The following USP22 variants were observed in gnomAD, a reference collection of about 807,000 sequenced individuals.
USP22 encodes the protein ubiquitin specific peptidase 22, also known as ubiquitin carboxyl-terminal hydrolase 22.
Under a neutral mutation model 68.1 loss-of-function variants are expected in USP22, and 22 were observed. The observed-to-expected ratio is 0.32, with a 90% confidence interval of 0.23 to 0.46. The LOEUF (loss-of-function observed/expected upper bound fraction) is 0.46, where lower values mean the gene tolerates loss of function less well. USP22 is among the 20% of genes least tolerant of loss of function. The pLI is 1.00. For missense variants in USP22, 433 were observed against 695.8 expected (o/e 0.62, Z 4.25); for synonymous variants, 279 against 274.2 (o/e 1.02, Z -0.17).
At chr17:21,043,123 A>ACACCCCC (rs1972466791), upstream of USP22, 3 of 18,888 alleles carry the variant, frequency 1.6e-4, no homozygotes, top group Non-Finnish European at 3.3e-4. Flanking sequence ...AGATTACGTC[A>ACACCCCC]CCCCCCCCCC....
chr17:21,009,709 C>A (rs1264727449), intron 8 of USP22, among the ~76,000 whole-genome samples: 2 of 152,274 alleles, frequency 1.3e-5, no homozygotes, highest in Non-Finnish European at 1.5e-5. Flanking sequence ...AATCCCAGCA[C>A]TTTGGGAGGC....
At chr17:21,012,716 T>C in intron 7 of USP22, 114 bp downstream of exon 7, 1 of 955,418 alleles carries the variant, frequency 1.0e-6, no homozygotes, top group South Asian at 1.6e-5. Flanking sequence ...ATTAATCATT[T>C]ATCTCATAGC....
chr17:21,004,169 C>T (rs761142451), intron 12 of USP22, 33 bp downstream of exon 12: 8 of 1,609,226 alleles, frequency 5.0e-6, no homozygotes, highest in South Asian at 3.3e-5. Flanking sequence ...CCGTAGCCAC[C>T]GTAGGGCCTT....
chr17:21,006,880 C>T lies in USP22; in HGVS notation c.1322+16G>A. The T allele has an allele frequency of 6.3e-7, 1 of 1,588,354 alleles. No homozygotes were observed. The highest frequency in any genetic ancestry group is 1.3e-5 in the African/African-American group (1 of 74,176). On this transcript the variant is annotated intron_variant, in intron 10 of 12. Coordinates refer to ENST00000261497, the MANE Select transcript of USP22 (RefSeq NM_015276.2). ...CAGCCCCTCAGGACACAGAACGGGC[C>T]TACAACCCCACATACCTGGAGGCCA... is the stretch of plus-strand genomic sequence containing the variant.
chr17:21,035,381 T>C (rs931582028), intron 1 of USP22, among the ~76,000 whole-genome samples: 5 of 152,224 alleles, frequency 3.3e-5, no homozygotes, highest in African/African-American at 1.2e-4. Flanking sequence ...AGGCGGGTCA[T>C]TTTAATCCTT....
chr17:21,010,557 G>T (rs1292630229), intron 8 of USP22, among the ~76,000 whole-genome samples: 3 of 142,990 alleles, frequency 2.1e-5, no homozygotes, highest in African/African-American at 7.4e-5. Context: ...CACACCTGTA[G>T]TCCCAGCTAC....
chr17:21,012,077 G>T (rs1020603026), intron 7 of USP22, among the ~76,000 whole-genome samples: 26 of 152,080 alleles, frequency 1.7e-4, no homozygotes, highest in Non-Finnish European at 5.9e-5. Flanking sequence ...TCCATTTCGG[G>T]TTCTGAAATA....
chr17:21,034,544 G>A (rs943982948), intron 1 of USP22, among the ~76,000 whole-genome samples: 1 of 152,122 alleles, frequency 6.6e-6, no homozygotes, highest in Non-Finnish European at 1.5e-5. Context: ...ACTGCCCGCC[G>A]TTCTGAGAAA....
rs1401426556 is a variant in USP22, at chr17:21,008,002, G to A, written c.1104-6C>T. 1.1e-5 allele frequency: 18 copies of A among 1,613,228 alleles called. No homozygotes were observed. Among genetic ancestry groups the A allele is most frequent in the Non-Finnish European group, 1.5e-5 (18 of 1,179,748 alleles). On this transcript the variant is annotated splice_region_variant and splice_polypyrimidine_tract_variant and intron_variant, in intron 8 of 12. Coordinates refer to ENST00000261497, the MANE Select transcript of USP22 (RefSeq NM_015276.2). ...AGTGCTCTGGTCTGGTGAATCTACAGGCGTTCAAAAAAGACAGGAGCGGTA... is the reference window on the plus strand; with the variant it reads ...AGTGCTCTGGTCTGGTGAATCTACAAGCGTTCAAAAAAGACAGGAGCGGTA...
intron 3 of USP22, 99 bp from the exon 4 acceptor site, chr17:21,019,284 G>T: frequency 8.4e-7 from 1 of 1,185,936 alleles, no homozygotes; most frequent in Non-Finnish European, 1.2e-6. Context: ...CTGTCAGGGT[G>T]CATTTCAGTG....
intron 2 of USP22, among the ~76,000 whole-genome samples, chr17:21,025,036 A>G (rs934764867): frequency 6.6e-6 from 1 of 152,200 alleles, no homozygotes; most frequent in South Asian, 2.1e-4. Context: ...AAAGGACACT[A>G]TCAAGAAACT....
At chr17:21,005,204 G>T (rs1913741728) in intron 10 of USP22, 1 of 575,440 alleles carries the variant, frequency 1.7e-6, no homozygotes, top group Non-Finnish European at 3.0e-6. Context: ...GGGTCCTGAG[G>T]CCACCTGGCG....
At chr17:21,026,615 C>A (rs956499395) in intron 2 of USP22, among the ~76,000 whole-genome samples, 1 of 151,400 alleles carries the variant, frequency 6.6e-6, no homozygotes, top group African/African-American at 2.4e-5. Context: ...CAAGCCACAC[C>A]GCTCCTCCCT....
intron 8 of USP22, among the ~76,000 whole-genome samples, chr17:21,010,936 C>A (rs553923836): frequency 6.6e-6 from 1 of 152,276 alleles, no homozygotes; most frequent in South Asian, 2.1e-4. Context: ...GACACTGACA[C>A]CTGGTGCTGT....
Position 21,001,087 on chromosome 17 carries a change from A to T in USP22, c.*1944T>A, listed in dbSNP as rs1310365363. The stretch of plus-strand genomic sequence containing the variant: ...CTGCACATCCTCAAAGGAGATCTTC[A>T]AAGCACTGTCACCCAAACAGCAGAA... On this transcript the variant is annotated 3_prime_UTR_variant, in exon 13 of 13. Coordinates refer to ENST00000261497, the MANE Select transcript of USP22 (RefSeq NM_015276.2). 1 of 151,076 alleles carries T rather than the reference A, an allele frequency of 6.6e-6. No individual in the cohort carries two copies. Among genetic ancestry groups the T allele is most frequent in the Non-Finnish European group, 1.5e-5 (1 of 67,914 alleles). The allele number at this position is 151,076 out of a possible 1,614,324, so 9.4% of individuals were successfully genotyped here. A position where few individuals can be genotyped will look rare whatever the true frequency, so the allele number is the denominator to read the frequency against.
At chr17:21,023,073 G>C (rs1247036615) in intron 2 of USP22, among the ~76,000 whole-genome samples, 2 of 152,140 alleles carry the variant, frequency 1.3e-5, no homozygotes, top group Non-Finnish European at 2.9e-5. Context: ...AACTAACATA[G>C]GAACAGAAAA....
intron 1 of USP22, among the ~76,000 whole-genome samples, chr17:21,036,952 T>TCTA (rs2143648516): frequency 6.6e-6 from 1 of 151,918 alleles, no homozygotes; most frequent in South Asian, 2.1e-4. Flanking sequence ...AATGCTGGAG[T>TCTA]CTAAGGCTGG....
intron 6 of USP22, among the ~76,000 whole-genome samples, chr17:21,015,025 C>T (rs933934852): frequency 3.3e-5 from 5 of 152,236 alleles, no homozygotes; most frequent in South Asian, 4.1e-4. Context: ...AGAATCACCT[C>T]TCAGTCTCTC....
In USP22 at chr17:21,002,948, G is replaced by C; in HGVS notation, c.*83C>G. ...AGGCCGGGGAGGCGGCGGGAGACTT[G>C]GGGGAGGGGGGGGCCAGGGAGGATC... is the stretch of plus-strand genomic sequence containing the variant. On this transcript the variant is annotated 3_prime_UTR_variant, in exon 13 of 13. Transcript: ENST00000261497. The C allele has an allele frequency of 6.5e-7, 1 of 1,546,178 alleles. No homozygotes were observed. Among genetic ancestry groups the C allele is most frequent in the Non-Finnish European group, 8.8e-7 (1 of 1,131,374 alleles).
Sources: allele counts gnomAD v4.1 joint callset (sites outside exome capture counted in the v4.1 genomes callset), GRCh38; gene constraint gnomAD v4.1.1; transcripts MANE v1.5; gene names NCBI Gene and HGNC (gene_info 2026-07-23, HGNC 2026-07-21).